GLOD5: variants seen among roughly 807,000 people sequenced by gnomAD.
GLOD5 encodes the protein glyoxalase domain containing 5, also known as glyoxalase domain-containing protein 5.
Under a neutral mutation model 9.9 loss-of-function variants are expected in GLOD5, and 7 were observed. The observed-to-expected ratio is 0.71, with a 90% CI of 0.40 to 1.33. The LOEUF (loss-of-function observed/expected upper bound fraction) is 1.33. GLOD5 is among the 40% of genes most tolerant of loss of function. GLOD5 has a pLI of 0.01. For missense variants in GLOD5, 146 were observed against 128.4 expected (o/e 1.14, Z -0.66); for synonymous variants, 49 against 47.3 (o/e 1.04, Z -0.14).
In GLOD5 at chrX:48,770,997, C is replaced by G. The variant is rs782468166; in HGVS notation, c.272C>G (p.Pro91Arg). 8.3e-7 allele frequency: 1 copy of G among 1,201,768 alleles called. No individual in the cohort carries two copies. The highest frequency in any genetic ancestry group is 1.1e-6 in the Non-Finnish European group (1 of 889,186). Residue 91 changes from proline (P) to arginine (R), a missense_variant, in exon 3 of 4, where the codon CCC (proline) becomes CGC (arginine). By Grantham distance (103) the Pro-to-Arg change is moderately radical. Coordinates refer to ENST00000303227, the MANE Select transcript of GLOD5 (RefSeq NM_001080489.3). Reference protein sequence around the residue: ...NLHEVGKEFEPKAAHPVPGSL... With the variant: ...NLHEVGKEFERKAAHPVPGSL... The stretch of plus-strand genomic sequence containing the variant: ...CACGAGGTGGGAAAGGAATTTGAAC[C>G]CAAAGCCGCTCACCCAGTTCCTGGC...
intron 1 of GLOD5, among the ~76,000 whole-genome samples, chrX:48,763,201 A>G (rs2062600590): frequency 8.9e-6 from 1 of 112,295 alleles, no homozygotes; most frequent in African/African-American, 3.2e-5. Context: ...GGAAATTATA[A>G]CAGCAGAAAC....
intron 2 of GLOD5, among the ~76,000 whole-genome samples, chrX:48,769,927 C>T (rs1329928161): frequency 7.9e-5 from 8 of 101,631 alleles, no homozygotes; most frequent in Admixed American, 1.1e-4. Flanking sequence ...TGCAGTGAGC[C>T]GTGATCACTG....
intron 1 of GLOD5, among the ~76,000 whole-genome samples, chrX:48,763,100 A>G (rs2062600363): frequency 8.9e-6 from 1 of 112,014 alleles, no homozygotes; most frequent in South Asian, 3.7e-4. Context: ...ACAGATCAGA[A>G]AAGTAGAAAA....
intron 1 of GLOD5, among the ~76,000 whole-genome samples, chrX:48,764,487 AG>A (rs2062604036): frequency 9.0e-6 from 1 of 111,109 alleles, no homozygotes; most frequent in Non-Finnish European, 1.9e-5. Flanking sequence ...ATTTTATAGA[AG>A]GGGAAACCAA....
intron 3 of GLOD5, among the ~76,000 whole-genome samples, chrX:48,771,752 C>T (rs781907686): frequency 1.8e-5 from 2 of 112,139 alleles, no homozygotes; most frequent in South Asian, 3.7e-4. Context: ...TAGCCACTTC[C>T]GTTCCCTGTA....
intron 2 of GLOD5, 94 bp from the exon 3 acceptor site, chrX:48,770,833 T>A: frequency 2.8e-6 from 2 of 713,808 alleles, no homozygotes; most frequent in Non-Finnish European, 3.9e-6. Context: ...TTATTTTTTT[T>A]AAACCTTGTT....
chrX:48,771,004 C>T lies in GLOD5; in HGVS notation c.279C>T (p.Ala93=), dbSNP rs782756779. ...HEVGKEFEPK[A]AHPVPGSLDI... ...TGGGAAAGGAATTTGAACCCAAAGC[C>T]GCTCACCCAGTTCCTGGCTCCCTGG... Residue 93 remains alanine (A), a synonymous_variant, in exon 3 of 4, where the codon GCC becomes GCT. Transcript: ENST00000303227. 6 of 1,201,112 alleles carry T rather than the reference C, an allele frequency of 5.0e-6. No homozygotes were observed. The highest frequency in any genetic ancestry group is 3.5e-5 in the African/African-American group (2 of 56,796).
intron 2 of GLOD5, among the ~76,000 whole-genome samples, chrX:48,770,721 T>C (rs2062620219): frequency 8.9e-6 from 1 of 112,090 alleles, no homozygotes; most frequent in Non-Finnish European, 1.9e-5. Flanking sequence ...TATTTGGAGA[T>C]ATGGAAATAA....
rs782629632 is a variant in GLOD5 at position 48,773,392 on chromosome X, C to T, written c.440C>T (p.Pro147Leu). 2.5e-6 allele frequency: 3 copies of T among 1,210,148 alleles called. No homozygotes were observed. In the Admixed American group the frequency reaches 6.5e-5, roughly 26 times the overall value. ...ATCATGTCCATCTACTTCCGAGACC[C>T]CGACAGAAATCTGATTGAGGTGTCC... ...GPIMSIYFRD[P>L]DRNLIEVSNY... The change falls in exon 4 of 4, where the codon CCC (proline) becomes CTC (leucine). Residue 147 changes from proline to leucine, a missense_variant. Pro to Leu is a moderately conservative substitution (Grantham distance 98). Coordinates refer to ENST00000303227, the MANE Select transcript of GLOD5 (RefSeq NM_001080489.3).
chrX:48,767,919 A>C (rs1557016894), intron 2 of GLOD5, among the ~76,000 whole-genome samples: 2 of 111,325 alleles, frequency 1.8e-5, no homozygotes, highest in Non-Finnish European at 1.9e-5. Flanking sequence ...CACCCCTCCC[A>C]CACACACATA....
intron 1 of GLOD5, 78 bp from the exon 2 acceptor site, chrX:48,765,756 AG>A: frequency 1.2e-5 from 13 of 1,051,722 alleles, no homozygotes; most frequent in Non-Finnish European, 1.7e-5. Flanking sequence ...TTGGGGAGGT[AG>A]GGGGAGGTGA....
At chrX:48,771,864 A>G (rs899770789) in intron 3 of GLOD5, among the ~76,000 whole-genome samples, 2 of 111,791 alleles carry the variant, frequency 1.8e-5, no homozygotes, top group South Asian at 7.4e-4. Flanking sequence ...AAGGACTGAA[A>G]GAAGATTGGA....
intron 3 of GLOD5, 133 bp from the exon 4 acceptor site, chrX:48,773,177 C>G (rs1355642992): frequency 8.5e-6 from 6 of 703,822 alleles, no homozygotes; most frequent in Non-Finnish European, 1.1e-5. Flanking sequence ...TTGCAGTGAG[C>G]TGAGATCTCA....
At chrX:48,767,166 A>C (rs2062611750) in intron 2 of GLOD5, among the ~76,000 whole-genome samples, 1 of 106,200 alleles carries the variant, frequency 9.4e-6, no homozygotes, top group African/African-American at 3.4e-5. Context: ...AAGGGGAAAA[A>C]AAAGAGGTTT....
At chrX:48,773,236 A>G (rs1272694685) in intron 3 of GLOD5, 74 bp from the exon 4 acceptor site, 1 of 1,140,784 alleles carries the variant, frequency 8.8e-7, no homozygotes, top group Non-Finnish European at 1.2e-6. Context: ...TCACAAAAAA[A>G]AAAAAAAGGC....
chrX:48,770,938 A>G lies in GLOD5; in HGVS notation c.213A>G (p.Lys71=). Residue 71 remains lysine, a synonymous_variant, in exon 3 of 4, where the codon AAA becomes AAG. Coordinates refer to ENST00000303227, the MANE Select transcript of GLOD5 (RefSeq NM_001080489.3). ...MEVMTFKEDR[K]ALCFGDQKFN... The stretch of plus-strand genomic sequence containing the variant: ...TCCCCACCAAGTAGGAAGACCGGAA[A>G]GCACTGTGTTTTGGAGACCAGAAAT... The G allele has an allele frequency of 8.4e-7, 1 of 1,189,196 alleles. No homozygotes were observed. Among genetic ancestry groups the G allele is most frequent in the South Asian group, 1.9e-5 (1 of 52,247 alleles).
intron 1 of GLOD5, among the ~76,000 whole-genome samples, chrX:48,764,671 C>G (rs1457993168): frequency 9.3e-6 from 1 of 107,822 alleles, no homozygotes. Flanking sequence ...CCCCAGGCCC[C>G]CAAGTAACCA....
At chrX:48,766,214 A>G (rs782387666) in intron 2 of GLOD5, 33 of 325,252 alleles carry the variant, frequency 1.0e-4, no homozygotes, top group Non-Finnish European at 1.7e-4. Flanking sequence ...GGAAAAGGTT[A>G]ACCAAGTATC....
chrX:48,765,843 G>A lies in GLOD5; in HGVS notation c.72G>A (p.Arg24=), dbSNP rs1309512340. ...WGRTLEKQSW[R]DSSQTPPPCL... ...TTTTTTTCTTTTTTTAGTCATGGAGGGACAGCAGTCAGACCCCTCCCCCAT... is the reference window on the plus strand; with the variant it reads ...TTTTTTTCTTTTTTTAGTCATGGAGAGACAGCAGTCAGACCCCTCCCCCAT... Residue 24 remains arginine (R), a synonymous_variant, in exon 2 of 4, where the codon AGG becomes AGA. Transcript: ENST00000303227. 8.4e-7 allele frequency: 1 copy of A among 1,186,314 alleles called. No individual in the cohort carries two copies. Among genetic ancestry groups the A allele is most frequent in the East Asian group, 3.0e-5 (1 of 33,471 alleles).
Sources: gnomAD v4.1 joint callset for allele counts (sites outside exome capture counted in the v4.1 genomes callset) on GRCh38, gnomAD v4.1.1 for gene constraint, MANE v1.5 for transcripts, NCBI Gene and HGNC (gene_info 2026-07-23, HGNC 2026-07-21) for gene names.